VRK3: variants seen among roughly 807,000 people sequenced by gnomAD.
VRK3 encodes serine/threonine-protein kinase VRK3.
VRK3 carries 50 observed loss-of-function variants against 60.4 expected under a neutral mutation model. The observed-to-expected ratio is 0.83, with a 90% CI of 0.66 to 1.05. The LOEUF (loss-of-function observed/expected upper bound fraction) is 1.05, where lower values mean the gene tolerates loss of function less well. Ranked by LOEUF, VRK3 falls within the 50% of genes least tolerant of loss-of-function variation. The pLI is 0.00. For missense variants in VRK3, 549 were observed against 585.3 expected (o/e 0.94, Z 0.64); for synonymous variants, 246 against 227.8 (o/e 1.08, Z -0.72).
intron 6 of VRK3, 102 bp from the exon 7 acceptor site, chr19:49,997,672 C>G (rs1398730700): frequency 4.5e-6 from 6 of 1,321,652 alleles, no homozygotes; most frequent in Non-Finnish European, 6.3e-6. Context: ...GACCAGGCTC[C>G]TCATCAAGTC....
chr19:49,985,863 G>A (rs900116627), intron 12 of VRK3, among the ~76,000 whole-genome samples: 4 of 152,180 alleles, frequency 2.6e-5, no homozygotes, highest in Non-Finnish European at 4.4e-5. Context: ...GGTGACATGG[G>A]CTGTCTCTGG....
chr19:49,983,304 T>C (rs2076455691), intron 12 of VRK3, among the ~76,000 whole-genome samples: 1 of 152,182 alleles, frequency 6.6e-6, no homozygotes, highest in South Asian at 2.1e-4. Flanking sequence ...CTGGGTGGTC[T>C]TCCCCACCCT....
At chr19:50,015,458 G>A (rs539086607) in intron 3 of VRK3, among the ~76,000 whole-genome samples, 11 of 152,136 alleles carry the variant, frequency 7.2e-5, no homozygotes, top group Admixed American at 2.6e-4. Flanking sequence ...ACAGGCATGC[G>A]CCACTATGCC....
rs1358216525 is a variant in VRK3 at position 49,976,750 on chromosome 19, T to C, written c.*46A>G. 3 of 103,280 alleles carry C rather than the reference T, an allele frequency of 2.9e-5. No homozygotes were observed. In the East Asian group the frequency reaches 1.3e-3, roughly 44 times the overall value. The allele number at this position is 103,280 out of a possible 1,614,324, so 6.4% of individuals were successfully genotyped here. ...AGGCCTTGAGTCACATTACTTCATT[T>C]TTTTTTTTCTGTTGCACACTGCAAA... is the stretch of plus-strand genomic sequence containing the variant. On this transcript the variant is annotated 3_prime_UTR_variant, in exon 15 of 15. Coordinates refer to ENST00000316763, the MANE Select transcript of VRK3 (RefSeq NM_016440.4).
chr19:50,013,694 C>T (rs937873762), intron 3 of VRK3, among the ~76,000 whole-genome samples: 1 of 152,202 alleles, frequency 6.6e-6, no homozygotes, highest in Non-Finnish European at 1.5e-5. Context: ...GATTTCTCAG[C>T]ACCCAATACC....
At position 49,992,887 on chromosome 19, in the gene VRK3, G is replaced by A; in HGVS notation, c.936C>T (p.Ile312=). Residue 312 remains isoleucine (I), a synonymous_variant, in exon 10 of 15, where the codon ATC becomes ATT. Transcript: ENST00000316763. ...GACTCTGGTCCTCTGGATCCACAAAGATATTTTCAGCTGTCACATTTCCAT... is the reference window on the plus strand; with the variant it reads ...GACTCTGGTCCTCTGGATCCACAAAAATATTTTCAGCTGTCACATTTCCAT... ...YVHGNVTAEN[I]FVDPEDQSQV... The A allele has an allele frequency of 1.9e-6, 3 of 1,614,054 alleles. No homozygotes were observed. The highest frequency in any genetic ancestry group is 2.5e-6 in the Non-Finnish European group (3 of 1,180,032).
chr19:50,017,715 G>C (rs1006842479), intron 2 of VRK3, among the ~76,000 whole-genome samples: 1 of 151,962 alleles, frequency 6.6e-6, no homozygotes, highest in African/African-American at 2.4e-5. Flanking sequence ...TCTGTCACCA[G>C]GGAGGAATGC....
At chr19:50,015,680 C>A (rs1568815209) in intron 3 of VRK3, 2 of 235,832 alleles carry the variant, frequency 8.5e-6, no homozygotes, top group Non-Finnish European at 8.4e-6. Context: ...CTGAAAAAAT[C>A]CAAAATCAGA....
At chr19:49,991,825 C>T (rs157547) in intron 10 of VRK3, among the ~76,000 whole-genome samples, 21,160 of 152,184 alleles carry the variant, frequency 0.14, 1,734 homozygotes, top group African/African-American at 0.23. Flanking sequence ...CTGCCGTGCC[C>T]GAGACAGTGC....
At position 49,994,879 on chromosome 19, in the gene VRK3, C is replaced by A. The variant is rs200821018; in HGVS notation, c.805G>T (p.Ala269Ser). ...ACATGCTTTGGGCTGACATCCAGGG[C>A]CGACTGAAGGCTCCTCCCCAGGCTG... ...LPSLGRSLQS[A>S]LDVSPKHVLS... The change falls in exon 9 of 15, where the codon GCC (alanine) becomes TCC (serine). Residue 269 changes from alanine to serine, a missense_variant. Coordinates refer to ENST00000316763, the MANE Select transcript of VRK3 (RefSeq NM_016440.4). 6 of 1,614,130 alleles carry A rather than the reference C, an allele frequency of 3.7e-6. No homozygotes were observed. The highest frequency in any genetic ancestry group is 5.1e-6 in the Non-Finnish European group (6 of 1,180,032).
intron 12 of VRK3, among the ~76,000 whole-genome samples, chr19:49,987,183 ATAT>A (rs2076530504): frequency 6.6e-6 from 1 of 152,092 alleles, no homozygotes; most frequent in South Asian, 2.1e-4. Flanking sequence ...TGGGCAACTG[ATAT>A]TCATGTCTGA....
chr19:50,006,820 C>T (rs2076899376), intron 5 of VRK3, among the ~76,000 whole-genome samples: 1 of 152,214 alleles, frequency 6.6e-6, no homozygotes, highest in East Asian at 1.9e-4. Flanking sequence ...AATACTAATA[C>T]TACTGCCATA....
At chr19:50,001,691 A>C (rs2076809693) in intron 5 of VRK3, among the ~76,000 whole-genome samples, 1 of 152,082 alleles carries the variant, frequency 6.6e-6, no homozygotes, top group Non-Finnish European at 1.5e-5. Flanking sequence ...CCCTGTGCTA[A>C]GTGTGGGCTT....
In VRK3 at chr19:49,992,912, T is replaced by G. The variant is rs35261919; in HGVS notation, c.911A>C (p.His304Pro). The G allele has an allele frequency of 6.2e-7, 1 of 1,613,702 alleles. No homozygotes were observed. The highest frequency in any genetic ancestry group is 1.3e-5 in the African/African-American group (1 of 74,942). Residue 304 changes from histidine to proline, a missense_variant, in exon 10 of 15, where the codon CAT becomes CCT. Physicochemically the swap from His to Pro is moderately conservative, Grantham distance 77. Transcript: ENST00000316763. Reference sequence around the variant, plus strand: ...GATATTTTCAGCTGTCACATTTCCATGAACATACTCATTCTCATGGAGGAA... The same window carrying G: ...GATATTTTCAGCTGTCACATTTCCAGGAACATACTCATTCTCATGGAGGAA... ...LEFLHENEYVHGNVTAENIFV... is the reference protein window; with the variant it reads ...LEFLHENEYVPGNVTAENIFV...
At position 49,995,292 on chromosome 19, in the gene VRK3, C is replaced by A; in HGVS notation, c.680-17G>T. Reference sequence around the variant, plus strand: ...ACTTGTTGACTGCGGAAAGCAGGGGCTTGAGGTTAGAACCCACCCAGTCCC... The same window carrying A: ...ACTTGTTGACTGCGGAAAGCAGGGGATTGAGGTTAGAACCCACCCAGTCCC... On this transcript the variant is annotated splice_polypyrimidine_tract_variant and intron_variant, in intron 7 of 14. Transcript: ENST00000316763. 1.2e-6 allele frequency: 2 copies of A among 1,613,554 alleles called. No homozygotes were observed. Among genetic ancestry groups the A allele is most frequent in the Non-Finnish European group, 1.7e-6 (2 of 1,179,658 alleles).
chr19:49,997,576 G>C lies in VRK3; in HGVS notation c.613-6C>G. 3 of 1,613,804 alleles carry C rather than the reference G, an allele frequency of 1.9e-6. No homozygotes were observed. Among genetic ancestry groups the C allele is most frequent in the South Asian group, 1.1e-5 (1 of 91,034 alleles). On this transcript the variant is annotated splice_region_variant and splice_polypyrimidine_tract_variant and intron_variant, in intron 6 of 14. Transcript: ENST00000316763. ...AAGCGCCCATCCTTGGCATCCTGGT[G>C]GGGGACAGGAGGGGCAGAAGGCTGT...
intron 12 of VRK3, among the ~76,000 whole-genome samples, chr19:49,983,539 T>C (rs1239661775): frequency 6.6e-6 from 1 of 152,218 alleles, no homozygotes; most frequent in African/African-American, 2.4e-5. Context: ...TGCCACCACC[T>C]GCCATGGGCT....
intron 7 of VRK3, chr19:49,996,969 T>G (rs1717339250): frequency 1.3e-5 from 2 of 152,188 alleles, no homozygotes; most frequent in Admixed American, 1.3e-4. Flanking sequence ...CTTGCCATCT[T>G]CCTAAAAATT....
chr19:50,011,154 G>C (rs1037113826), intron 3 of VRK3, among the ~76,000 whole-genome samples: 3 of 152,106 alleles, frequency 2.0e-5, no homozygotes, highest in African/African-American at 7.2e-5. Flanking sequence ...ATAAAACACA[G>C]GCTCAAGGCC....
Sources: gnomAD v4.1 joint callset for allele counts (sites outside exome capture counted in the v4.1 genomes callset) on GRCh38, gnomAD v4.1.1 for gene constraint, MANE v1.5 for transcripts, NCBI Gene and HGNC (gene_info 2026-07-23, HGNC 2026-07-21) for gene names.